The following SNW1 variants were observed in gnomAD, a reference collection of about 807,000 sequenced individuals.
SNW1 encodes SNW domain containing 1.
A neutral mutation model predicts 75.6 loss-of-function variants in SNW1; 9 were observed. That is an observed-to-expected ratio of 0.12 (90% CI 0.07 to 0.21). The LOEUF is 0.21. SNW1 is among the 10% of genes least tolerant of loss of function. The pLI is 1.00. For missense variants in SNW1, 409 were observed against 670.9 expected (o/e 0.61, Z 4.31); for synonymous variants, 200 against 219.1 (o/e 0.91, Z 0.77).
chr14:77,737,174 C>G, intron 5 of SNW1, 99 bp from the exon 6 acceptor site: 2 of 824,780 alleles, frequency 2.4e-6, no homozygotes, highest in Middle Eastern at 4.7e-4. Flanking sequence ...ATTTTCAATT[C>G]CTTTCGCAAA....
chr14:77,748,796 C>T (rs1437346398), intron 3 of SNW1, among the ~76,000 whole-genome samples: 2 of 151,988 alleles, frequency 1.3e-5, no homozygotes, highest in Non-Finnish European at 2.9e-5. Context: ...ACTGTGTTAG[C>T]CAGGATGTTC....
chr14:77,720,666 G>T, intron 12 of SNW1, 45 bp downstream of exon 12: 1 of 1,207,110 alleles, frequency 8.3e-7, no homozygotes, highest in Non-Finnish European at 1.2e-6. Flanking sequence ...CCTGAGGATA[G>T]GTATTCACAT....
chr14:77,724,025 T>C (rs1400130952), intron 10 of SNW1, among the ~76,000 whole-genome samples: 1 of 152,264 alleles, frequency 6.6e-6, no homozygotes, highest in East Asian at 1.9e-4. Context: ...AGTTTAATTT[T>C]TGAATGTGAA....
chr14:77,720,590 C>T, intron 12 of SNW1, 121 bp downstream of exon 12: 1 of 795,456 alleles, frequency 1.3e-6, no homozygotes, highest in South Asian at 1.3e-5. Flanking sequence ...CAACATACAA[C>T]TTCCAATTTT....
chr14:77,730,992 T>C lies in SNW1; in HGVS notation c.1029A>G (p.Glu343=). The stretch of plus-strand genomic sequence containing the variant: ...TCAGTAATGAGAATGTCATACCTTT[T>C]TCCACATGAGTTTTGATCCCAGCTC... ...ERRAGIKTHV[E]KEDGEARERD... is the part of the protein sequence containing the mutation. The change falls in exon 10 of 14, where the codon GAA becomes GAG. Residue 343 remains glutamate, a synonymous_variant. Transcript: ENST00000261531. 5 of 1,612,916 alleles carry C rather than the reference T, an allele frequency of 3.1e-6. No homozygotes were observed. The highest frequency in any genetic ancestry group is 4.2e-6 in the Non-Finnish European group (5 of 1,179,774).
chr14:77,746,997 G>A (rs982862102), intron 3 of SNW1, among the ~76,000 whole-genome samples: 3 of 149,946 alleles, frequency 2.0e-5, no homozygotes, highest in Non-Finnish European at 4.4e-5. Flanking sequence ...CCACCATCTC[G>A]GCTCACTGCA....
At chr14:77,745,744 C>T (rs2080755915) in intron 3 of SNW1, among the ~76,000 whole-genome samples, 1 of 151,214 alleles carries the variant, frequency 6.6e-6, no homozygotes, top group South Asian at 2.1e-4. Context: ...ACCACCTTGG[C>T]TAGGTGCAGT....
intron 11 of SNW1, chr14:77,721,142 T>A: frequency 4.4e-6 from 1 of 226,882 alleles, no homozygotes; most frequent in Non-Finnish European, 8.6e-6. Flanking sequence ...TGGTCTATAT[T>A]TACTATCATT....
intron 3 of SNW1, among the ~76,000 whole-genome samples, chr14:77,742,801 T>C (rs2080728862): frequency 6.6e-6 from 1 of 151,364 alleles, no homozygotes; most frequent in Non-Finnish European, 1.5e-5. Flanking sequence ...TGGCCTCAAA[T>C]GATCCTCCCA....
rs569617137 is a variant in SNW1 at position 77,736,964 on chromosome 14, C to T, written c.638+7G>A. On this transcript the variant is annotated splice_region_variant and intron_variant, in intron 6 of 13. Coordinates refer to ENST00000261531, the MANE Select transcript of SNW1 (RefSeq NM_012245.3). ...TGTGTATTAGTAGCCTATTCCTTTTCACTTACTTGAACCTTGGAGGCTCCA... is the reference window on the plus strand; with the variant it reads ...TGTGTATTAGTAGCCTATTCCTTTTTACTTACTTGAACCTTGGAGGCTCCA... 3.8e-6 allele frequency: 6 copies of T among 1,590,644 alleles called. No individual in the cohort carries two copies. In the Admixed American group the frequency reaches 8.3e-5, roughly 22 times the overall value.
chr14:77,731,271 G>T, intron 9 of SNW1, 142 bp from the exon 10 acceptor site: 1 of 920,130 alleles, frequency 1.1e-6, no homozygotes, highest in Non-Finnish European at 1.6e-6. Flanking sequence ...AAAGAGTCTT[G>T]TCCACTAAAA....
At chr14:77,733,947 C>T (rs1204350965) in intron 8 of SNW1, 2 of 446,570 alleles carry the variant, frequency 4.5e-6, no homozygotes, top group East Asian at 1.4e-4. Flanking sequence ...TCCATGGTCT[C>T]ATAATAAAAT....
Position 77,760,667 on chromosome 14 carries a change from G to A in SNW1, c.14+447C>T, listed in dbSNP as rs115349639. ...TCTTTTTTCAGGAATCCTTGTTTCG[G>A]GACACCCAGTGGACAGCGAAAGGAG... is the stretch of plus-strand genomic sequence containing the variant. On this transcript the variant is annotated intron_variant, in intron 1 of 13. Transcript: ENST00000261531. 1,058 of 702,324 alleles carry A rather than the reference G, an allele frequency of 1.5e-3. 5 individuals are homozygous for A. The highest frequency in any genetic ancestry group is 0.011 in the African/African-American group (631 of 57,344). 43.5% of individuals were successfully genotyped at this position (702,324 alleles called of 1,614,324 possible).
At chr14:77,745,973 G>A (rs1005496539) in intron 3 of SNW1, among the ~76,000 whole-genome samples, 4 of 152,138 alleles carry the variant, frequency 2.6e-5, no homozygotes, top group East Asian at 1.9e-4. Context: ...GCAGCGAGTC[G>A]TTATTGTGCC....
intron 9 of SNW1, 46 bp downstream of exon 9, chr14:77,732,439 G>T: frequency 9.5e-7 from 1 of 1,050,876 alleles, no homozygotes; most frequent in Non-Finnish European, 1.5e-6. Context: ...ACCAAGAATG[G>T]ATTTTAAAAG....
At chr14:77,748,218 T>G (rs572961055) in intron 3 of SNW1, among the ~76,000 whole-genome samples, 1 of 152,060 alleles carries the variant, frequency 6.6e-6, no homozygotes, top group Non-Finnish European at 1.5e-5. Flanking sequence ...GCAGCATGCT[T>G]GTTAAGAGTC....
intron 3 of SNW1, among the ~76,000 whole-genome samples, chr14:77,742,189 C>A (rs1454013086): frequency 1.3e-5 from 2 of 152,054 alleles, no homozygotes; most frequent in Non-Finnish European, 2.9e-5. Context: ...GCGCATGACA[C>A]CACGTCCAGC....
intron 2 of SNW1, 59 bp downstream of exon 2, chr14:77,754,908 G>T: frequency 7.2e-7 from 1 of 1,380,024 alleles, no homozygotes; most frequent in Non-Finnish European, 9.8e-7. Flanking sequence ...TTATGTTATA[G>T]TGTGCTATAA....
chr14:77,744,446 C>CAAAAAAAAAAAAAAAAAAAAAAAAAAAAA (rs11335115), intron 3 of SNW1, among the ~76,000 whole-genome samples: 8 of 82,966 alleles, frequency 9.6e-5, no homozygotes, highest in African/African-American at 1.5e-4. Flanking sequence ...GTCTCCATCT[C>CAAAAAAAAAAAAAAAAAAAAAAAAAAAAA]AAAAAAAAAA....
Sources: gnomAD v4.1 joint callset for allele counts (sites outside exome capture counted in the v4.1 genomes callset) on GRCh38, gnomAD v4.1.1 for gene constraint, MANE v1.5 for transcripts, NCBI Gene and HGNC (gene_info 2026-07-23, HGNC 2026-07-21) for gene names.